The following RANBP17 variants were observed in gnomAD, a reference collection of about 807,000 sequenced individuals.
RANBP17 encodes ran-binding protein 17.
A neutral mutation model predicts 141.2 loss-of-function variants in RANBP17; 158 were observed. The observed-to-expected ratio is 1.12, with a 90% CI of 0.98 to 1.28. RANBP17 has a LOEUF of 1.28. RANBP17 is among the 50% of genes most tolerant of loss of function. The probability of loss-of-function intolerance (pLI) is 0.00; values close to 1 mark genes in which losing one functional copy is unlikely to be tolerated. For synonymous variants in RANBP17, 430 were observed against 450.0 expected (o/e 0.96, Z 0.56); for missense variants, 1,438 against 1,290.7 (o/e 1.11, Z -1.75).
chr5:171,252,349 TTAAC>T, intron 24 of RANBP17: 2 of 1,538,680 alleles, frequency 1.3e-6, no homozygotes, highest in Non-Finnish European at 1.8e-6. Flanking sequence ...TCAGGGAACA[TTAAC>T]TAATGAAACC....
In RANBP17 at chr5:171,003,585, C is replaced by G. The variant is rs187288968; in HGVS notation, c.1710+35208C>G. On this transcript the variant is annotated intron_variant, in intron 14 of 27. Transcript: ENST00000523189. Reference sequence around the variant, plus strand: ...CTTTGGAGGGGGATACCCCATATCCCTTGGAGAATTAGTGTTGAAGGAGCA... The same window carrying G: ...CTTTGGAGGGGGATACCCCATATCCGTTGGAGAATTAGTGTTGAAGGAGCA... Among the ~76,000 whole-genome samples, 153 of 152,210 alleles carry G rather than the reference C, an allele frequency of 1.0e-3. 1 individual carries two copies. The highest frequency in any genetic ancestry group is 3.6e-3 in the African/African-American group (149 of 41,542).
intron 24 of RANBP17, chr5:171,251,738 A>T: frequency 1.3e-6 from 1 of 751,212 alleles, no homozygotes; most frequent in Non-Finnish European, 2.3e-6. Flanking sequence ...CTGCGGTGCG[A>T]GCAGGTGGCC....
At chr5:171,052,979 A>C (rs2127655041) in intron 14 of RANBP17, among the ~76,000 whole-genome samples, 1 of 24,806 alleles carries the variant, frequency 4.0e-5, no homozygotes, top group Admixed American at 4.6e-4. Flanking sequence ...CAGCCTCCCA[A>C]GTAGCTACTT....
chr5:171,294,556 G>A (rs1201878024), intron 26 of RANBP17, among the ~76,000 whole-genome samples: 1 of 152,224 alleles, frequency 6.6e-6, no homozygotes, highest in African/African-American at 2.4e-5. Context: ...TATACAATAA[G>A]ATAGTACTGG....
intron 25 of RANBP17, among the ~76,000 whole-genome samples, chr5:171,276,299 TAGAA>T (rs1291799900): frequency 6.6e-6 from 1 of 152,242 alleles, no homozygotes; most frequent in Non-Finnish European, 1.5e-5. Flanking sequence ...GAATATTAAA[TAGAA>T]AGCATTTCAG....
Position 170,911,132 on chromosome 5 carries a change from C to T in RANBP17, c.758C>T (p.Thr253Ile). The T allele has an allele frequency of 1.2e-6, 2 of 1,610,508 alleles. No individual in the cohort carries two copies. The highest frequency in any genetic ancestry group is 1.7e-6 in the Non-Finnish European group (2 of 1,177,906). The stretch of plus-strand genomic sequence containing the variant: ...GTGCAGATTCCAACAACTTGGAGAA[C>T]AAGTAAGAAAAAACTTTGGTATGAA... ...CTVQIPTTWRTIFLEPETLDL... is the reference protein window; with the variant it reads ...CTVQIPTTWRIIFLEPETLDL... The change falls in exon 7 of 28, where the codon ACA (threonine) becomes ATA (isoleucine). Residue 253 changes from threonine to isoleucine, a missense_variant and splice_region_variant. Coordinates refer to ENST00000523189, the MANE Select transcript of RANBP17 (RefSeq NM_022897.5).
At chr5:170,906,275 A>T (rs1030352747) in intron 5 of RANBP17, among the ~76,000 whole-genome samples, 3 of 152,012 alleles carry the variant, frequency 2.0e-5, no homozygotes, top group African/African-American at 7.2e-5. Context: ...AGTTTCCTTC[A>T]ATCTGGAGAA....
chr5:170,865,090 A>G (rs1245960346), intron 1 of RANBP17, among the ~76,000 whole-genome samples: 1 of 152,090 alleles, frequency 6.6e-6, no homozygotes, highest in Non-Finnish European at 1.5e-5. Flanking sequence ...TTTTTGAGAC[A>G]GAATCTTGCT....
chr5:171,229,470 T>A (rs1469168496), intron 22 of RANBP17, among the ~76,000 whole-genome samples: 1 of 151,946 alleles, frequency 6.6e-6, no homozygotes, highest in Admixed American at 6.6e-5. Flanking sequence ...TCTTAGCTCA[T>A]TGCAACCTCT....
intron 22 of RANBP17, among the ~76,000 whole-genome samples, chr5:171,240,303 C>T (rs77136493): frequency 0.042 from 6,312 of 152,048 alleles, 206 homozygotes; most frequent in Non-Finnish European, 0.063. Flanking sequence ...TGATGGTCAA[C>T]GCAGAATTTA....
At chr5:170,932,870 C>G (rs1004376395) in intron 12 of RANBP17, among the ~76,000 whole-genome samples, 4 of 151,230 alleles carry the variant, frequency 2.6e-5, no homozygotes, top group East Asian at 1.9e-4. Flanking sequence ...CTAAAATTCT[C>G]TTTTTTTTTG....
At chr5:171,002,998 G>C (rs1339560580) in intron 14 of RANBP17, among the ~76,000 whole-genome samples, 2 of 152,280 alleles carry the variant, frequency 1.3e-5, no homozygotes, top group East Asian at 3.9e-4. Context: ...TCATGTGTGA[G>C]GCAGAAAATA....
At chr5:171,018,167 G>T (rs1023733059) in intron 14 of RANBP17, among the ~76,000 whole-genome samples, 7 of 151,962 alleles carry the variant, frequency 4.6e-5, no homozygotes, top group Admixed American at 1.3e-4. Context: ...GCCGTGTAGT[G>T]TAGTTTGAAG....
chr5:171,195,137 T>C (rs1382925176), intron 18 of RANBP17, among the ~76,000 whole-genome samples: 1 of 152,208 alleles, frequency 6.6e-6, no homozygotes, highest in Non-Finnish European at 1.5e-5. Context: ...AATGAAAATA[T>C]TAGTCTATAA....
chr5:170,891,262 A>T (rs576518904), intron 3 of RANBP17, among the ~76,000 whole-genome samples: 1 of 152,260 alleles, frequency 6.6e-6, no homozygotes, highest in African/African-American at 2.4e-5. Flanking sequence ...TAAGGAAAGC[A>T]TAGTACAATA....
chr5:171,060,724 T>C (rs2127671329), intron 14 of RANBP17, among the ~76,000 whole-genome samples: 1 of 152,150 alleles, frequency 6.6e-6, no homozygotes, highest in Non-Finnish European at 1.5e-5. Context: ...ATTGGAATAG[T>C]TTCAGGAGGA....
intron 25 of RANBP17, among the ~76,000 whole-genome samples, chr5:171,268,248 G>T (rs2128023383): frequency 6.6e-6 from 1 of 152,278 alleles, no homozygotes; most frequent in Admixed American, 6.5e-5. Context: ...TGATGACAAA[G>T]AAAGTAAAAT....
intron 14 of RANBP17, among the ~76,000 whole-genome samples, chr5:171,158,881 G>T (rs1156301657): frequency 6.6e-6 from 1 of 152,118 alleles, no homozygotes; most frequent in East Asian, 1.9e-4. Context: ...AAAGATTAAG[G>T]TGTTGGGGGT....
chr5:171,217,970 A>C (rs545627572), intron 21 of RANBP17, among the ~76,000 whole-genome samples: 143 of 151,994 alleles, frequency 9.4e-4, no homozygotes, highest in African/African-American at 3.3e-3. Flanking sequence ...TATTTCTTTT[A>C]ATTGTGATAT....
Sources: allele counts gnomAD v4.1 joint callset (sites outside exome capture counted in the v4.1 genomes callset), GRCh38; gene constraint gnomAD v4.1.1; transcripts MANE v1.5; gene names NCBI Gene and HGNC (gene_info 2026-07-23, HGNC 2026-07-21).